FAAH2: variants seen among roughly 807,000 people sequenced by gnomAD.
The protein encoded by FAAH2 is fatty acid amide hydrolase 2.
FAAH2 carries 60 observed loss-of-function variants against 36.9 expected under a neutral mutation model. That is an observed-to-expected ratio of 1.63 (90% CI 1.32 to 2.02). The LOEUF is 2.02. FAAH2 is among the 30% of genes most tolerant of loss of function. The pLI, the probability that FAAH2 is intolerant of heterozygous loss-of-function variation, is 0.00. For synonymous variants in FAAH2, 214 were observed against 143.8 expected (o/e 1.49, Z -3.49); for missense variants, 689 against 397.5 (o/e 1.73, Z -6.23).
chrX:57,193,819 G>A, the FAAH2 span, among the ~76,000 whole-genome samples: 1 of 112,013 alleles, frequency 8.9e-6, no homozygotes. Context: ...TTGATATGAT[G>A]AATCACATTG....
At chrX:57,186,964 A>G in the FAAH2 span, among the ~76,000 whole-genome samples, 1 of 111,643 alleles carries the variant, frequency 9.0e-6, no homozygotes, top group Non-Finnish European at 1.9e-5. Context: ...TGATTACTGT[A>G]CCCTTGTAGT....
chrX:57,194,849 T>C, the FAAH2 span, among the ~76,000 whole-genome samples: 1 of 111,811 alleles, frequency 8.9e-6, no homozygotes, highest in Non-Finnish European at 1.9e-5. Context: ...CATTTTCCAT[T>C]CCTGAGTTAC....
chrX:57,338,236 G>C (rs373574944), intron 4 of FAAH2, among the ~76,000 whole-genome samples: 1 of 111,582 alleles, frequency 9.0e-6, no homozygotes, highest in Non-Finnish European at 1.9e-5. Flanking sequence ...GTCAAAGGGG[G>C]TTTGTTCTCT....
At chrX:57,336,889 C>A (rs1293568053) in intron 4 of FAAH2, among the ~76,000 whole-genome samples, 2 of 109,740 alleles carry the variant, frequency 1.8e-5, no homozygotes, top group Non-Finnish European at 3.8e-5. Flanking sequence ...CAAGAAATAA[C>A]CAAGATTAGA....
intron 5 of FAAH2, among the ~76,000 whole-genome samples, chrX:57,342,421 C>A (rs772745340): frequency 9.0e-6 from 1 of 111,145 alleles, no homozygotes; most frequent in African/African-American, 3.3e-5. Context: ...ATAATGGGTA[C>A]TAGTCTTAAT....
the FAAH2 span, among the ~76,000 whole-genome samples, chrX:57,205,001 C>G: frequency 1.8e-5 from 2 of 112,386 alleles, no homozygotes; most frequent in African/African-American, 6.5e-5. Context: ...CAAAACACTG[C>G]AAAAGGTGAC....
At chrX:57,183,783 G>C in the FAAH2 span, among the ~76,000 whole-genome samples, 1 of 111,340 alleles carries the variant, frequency 9.0e-6, no homozygotes, top group Non-Finnish European at 1.9e-5. Context: ...GATTTTTAGG[G>C]AACGAGGGAA....
At chrX:57,335,638 C>T (rs752459593) in intron 4 of FAAH2, among the ~76,000 whole-genome samples, 1 of 112,026 alleles carries the variant, frequency 8.9e-6, no homozygotes, top group South Asian at 3.8e-4. Context: ...AGATGCCTTC[C>T]TCTTATCTCA....
chrX:57,231,249 G>C, the FAAH2 span, among the ~76,000 whole-genome samples: 9 of 110,824 alleles, frequency 8.1e-5, no homozygotes, highest in Non-Finnish European at 1.5e-4. Flanking sequence ...TATAGGTCAA[G>C]ATCAAAACTA....
chrX:57,452,347 C>A, intron 10 of FAAH2: 1 of 747,471 alleles, frequency 1.3e-6, no homozygotes, highest in Non-Finnish European at 1.6e-6. Flanking sequence ...TCTCAAGAGT[C>A]CCTCTTGTAC....
At chrX:57,130,746 A>G in the FAAH2 span, among the ~76,000 whole-genome samples, 5 of 111,532 alleles carry the variant, frequency 4.5e-5, no homozygotes, top group African/African-American at 1.6e-4. Context: ...CCCCTCTTTA[A>G]TATGTGCTAT....
intron 7 of FAAH2, among the ~76,000 whole-genome samples, chrX:57,400,840 G>T (rs1009654997): frequency 4.5e-5 from 5 of 112,320 alleles, no homozygotes; most frequent in African/African-American, 1.6e-4. Context: ...CACTTGGGTG[G>T]GGCTGGGCGC....
At chrX:57,388,680 A>G (rs1311432088) in intron 7 of FAAH2, among the ~76,000 whole-genome samples, 1 of 111,109 alleles carries the variant, frequency 9.0e-6, no homozygotes, top group Non-Finnish European at 1.9e-5. Context: ...ACAAATGCAT[A>G]ATGCCATGTA....
the FAAH2 span, among the ~76,000 whole-genome samples, chrX:57,220,877 T>A: frequency 1.8e-5 from 2 of 111,841 alleles, no homozygotes; most frequent in African/African-American, 6.5e-5. Flanking sequence ...CAAAACCTCC[T>A]ACTTATATCT....
the FAAH2 span, among the ~76,000 whole-genome samples, chrX:57,242,227 G>T: frequency 8.9e-6 from 1 of 111,971 alleles, no homozygotes; most frequent in African/African-American, 3.2e-5. Flanking sequence ...CATCTGGCAG[G>T]TGCCTCTCTG....
chrX:57,304,894 A>G (rs1391644618), intron 2 of FAAH2, among the ~76,000 whole-genome samples: 3 of 111,906 alleles, frequency 2.7e-5, no homozygotes, highest in African/African-American at 9.7e-5. Context: ...CACATAAAAT[A>G]GACTCAGTAT....
the FAAH2 span, among the ~76,000 whole-genome samples, chrX:57,252,802 G>A: frequency 8.9e-6 from 1 of 112,507 alleles, no homozygotes; most frequent in Non-Finnish European, 1.9e-5. Context: ...CCACGAAGAT[G>A]GGAAGAAACC....
chrX:57,257,923 A>G, the FAAH2 span, among the ~76,000 whole-genome samples: 83 of 112,027 alleles, frequency 7.4e-4, no homozygotes, highest in African/African-American at 2.6e-3. Context: ...ATTCAATGCT[A>G]TCTCTATCAA....
intron 1 of FAAH2, among the ~76,000 whole-genome samples, chrX:57,292,058 A>C (rs2499555): frequency 0.45 from 49,613 of 109,796 alleles, 11,258 homozygotes; most frequent in African/African-American, 0.88. Flanking sequence ...GGAAACCCTA[A>C]CTTTATGCCC....
Sources: gnomAD v4.1 joint callset for allele counts (sites outside exome capture counted in the v4.1 genomes callset) on GRCh38, gnomAD v4.1.1 for gene constraint, MANE v1.5 for transcripts, NCBI Gene and HGNC (gene_info 2026-07-23, HGNC 2026-07-21) for gene names.